XRCC5: variants seen among roughly 807,000 people sequenced by gnomAD.
The protein encoded by XRCC5 is X-ray repair cross complementing 5, also known as DNA repair protein Ku80.
Under a neutral mutation model 95.7 loss-of-function variants are expected in XRCC5, and 12 were observed. The ratio of observed to expected loss-of-function variants is 0.13; its 90% confidence interval spans 0.08 to 0.20. The LOEUF (loss-of-function observed/expected upper bound fraction) is 0.20, where lower values mean the gene tolerates loss of function less well. Ranked by LOEUF, XRCC5 falls within the 10% of genes least tolerant of loss-of-function variation. The pLI, the probability that XRCC5 is intolerant of heterozygous loss-of-function variation, is 1.00. For synonymous variants in XRCC5, 281 were observed against 290.3 expected, an observed-to-expected ratio of 0.97 and a Z score of 0.33; for missense variants, 595 against 873.9, an observed-to-expected ratio of 0.68 and a Z score of 4.02.
At chr2:216,187,106 C>T (rs1689507451) in intron 16 of XRCC5, among the ~76,000 whole-genome samples, 1 of 152,104 alleles carries the variant, frequency 6.6e-6, no homozygotes, top group South Asian at 2.1e-4. Context: ...AATCATGGAC[C>T]AGATTTACAA....
intron 16 of XRCC5, among the ~76,000 whole-genome samples, chr2:216,177,393 A>G (rs1689298372): frequency 1.3e-5 from 2 of 152,324 alleles, no homozygotes; most frequent in Admixed American, 6.5e-5. Flanking sequence ...GGTGACACTA[A>G]AGAAAACACT....
intron 16 of XRCC5, among the ~76,000 whole-genome samples, chr2:216,165,280 C>G (rs923363503): frequency 1.3e-5 from 2 of 151,996 alleles, no homozygotes; most frequent in Non-Finnish European, 2.9e-5. Flanking sequence ...ATAGATTGTT[C>G]TTTTATATTG....
intron 8 of XRCC5, among the ~76,000 whole-genome samples, chr2:216,129,375 T>A (rs545000845): frequency 2.0e-5 from 3 of 152,294 alleles, no homozygotes; most frequent in African/African-American, 7.2e-5. Context: ...TATACACATG[T>A]GGGCAAAGGA....
rs563335536 is a variant in XRCC5 at position 216,149,361 on chromosome 2, C to A, written c.1670+1085C>A. Reference sequence around the variant, plus strand: ...GCCCGCCCCCCATAAGACCATCTCTCAAGGAAATTGATAGATTGTTTCTTG... The same window carrying A: ...GCCCGCCCCCCATAAGACCATCTCTAAAGGAAATTGATAGATTGTTTCTTG... On this transcript the variant is annotated intron_variant, in intron 14 of 20. Transcript: ENST00000392132. Among the ~76,000 whole-genome samples the A allele has an allele frequency of 1.0e-3, 158 of 152,258 alleles. 1 individual carries two copies. Among genetic ancestry groups the A allele is most frequent in the African/African-American group, 3.6e-3 (150 of 41,554 alleles).
chr2:216,192,529 T>G, intron 17 of XRCC5, 110 bp from the exon 18 acceptor site: 6 of 595,880 alleles, frequency 1.0e-5, no homozygotes, highest in Non-Finnish European at 1.6e-5. Flanking sequence ...ACATTTTATT[T>G]TTTTGTAATA....
chr2:216,196,551 G>T (rs6435937), intron 19 of XRCC5, among the ~76,000 whole-genome samples: 89,101 of 151,118 alleles, frequency 0.59, 26,461 homozygotes, highest in South Asian at 0.69. Context: ...CATATATATA[G>T]AGAGAGAGAT....
At chr2:216,187,815 ACACACACTCTCT>A (rs772720413) in intron 16 of XRCC5, among the ~76,000 whole-genome samples, 4,590 of 88,872 alleles carry the variant, frequency 0.052, 90 homozygotes, top group Middle Eastern at 0.084. Flanking sequence ...ACACACACAC[ACACACACTCTCT>A]CTCTCTCTCT....
At chr2:216,136,686 C>T (rs1238183130) in intron 10 of XRCC5, among the ~76,000 whole-genome samples, 1 of 152,008 alleles carries the variant, frequency 6.6e-6, no homozygotes, top group Non-Finnish European at 1.5e-5. Flanking sequence ...CTGGACTAGA[C>T]TGAAGAATAA....
At chr2:216,136,356 CAAA>C (rs767749732) in intron 10 of XRCC5, among the ~76,000 whole-genome samples, 1 of 34,140 alleles carries the variant, frequency 2.9e-5, no homozygotes, top group Admixed American at 3.1e-4. Flanking sequence ...AACTGTGTCT[CAAA>C]AAAAAAAAAA....
intron 16 of XRCC5, among the ~76,000 whole-genome samples, chr2:216,170,405 C>T (rs888275462): frequency 6.6e-6 from 1 of 152,102 alleles, no homozygotes; most frequent in Non-Finnish European, 1.5e-5. Context: ...AAGGCTTTCT[C>T]AGCATCATAA....
At chr2:216,166,950 T>C (rs1004075156) in intron 16 of XRCC5, among the ~76,000 whole-genome samples, 4 of 152,168 alleles carry the variant, frequency 2.6e-5, no homozygotes, top group Non-Finnish European at 5.9e-5. Flanking sequence ...AACTTTATAA[T>C]GAGACGATTC....
At chr2:216,166,132 C>G (rs977000341) in intron 16 of XRCC5, among the ~76,000 whole-genome samples, 1 of 151,896 alleles carries the variant, frequency 6.6e-6, no homozygotes, top group African/African-American at 2.4e-5. Context: ...TTCTCTTTTC[C>G]TTTTTTGTGA....
intron 7 of XRCC5, among the ~76,000 whole-genome samples, chr2:216,126,968 C>G (rs1696909401): frequency 6.6e-6 from 1 of 151,316 alleles, no homozygotes; most frequent in Non-Finnish European, 1.5e-5. Flanking sequence ...ATTAAACAGT[C>G]TGGCTGGGTG....
rs755152526 is a variant in XRCC5, at chr2:216,113,118, G to A, written c.124G>A (p.Val42Ile). 6.2e-7 allele frequency: 1 copy of A among 1,613,618 alleles called. No homozygotes were observed. The highest frequency in any genetic ancestry group is 8.5e-7 in the Non-Finnish European group (1 of 1,179,632). ...EQAKKVITMFVQRQVFAENKD... is the reference protein window; with the variant it reads ...EQAKKVITMFIQRQVFAENKD... Reference sequence around the variant, plus strand: ...AGCAAAGAAGGTGATAACCATGTTTGTACAGCGACAGGTAAGTTTCAGATT... The same window carrying A: ...AGCAAAGAAGGTGATAACCATGTTTATACAGCGACAGGTAAGTTTCAGATT... Residue 42 changes from valine (V) to isoleucine (I), a missense_variant, in exon 2 of 21, where the codon GTA (valine) becomes ATA (isoleucine). By Grantham distance (29) the Val-to-Ile change is conservative. Transcript: ENST00000392132.
At chr2:216,166,308 G>C (rs1406810652) in intron 16 of XRCC5, among the ~76,000 whole-genome samples, 1 of 152,056 alleles carries the variant, frequency 6.6e-6, no homozygotes, top group African/African-American at 2.4e-5. Context: ...TTTTTGTAGA[G>C]ATGAGGTTTC....
chr2:216,123,396 G>A lies in XRCC5; in HGVS notation c.683+1143G>A, dbSNP rs1201802306. ...TCAGTGAGGAATCCTGTGAGGTGAA[G>A]TTTCTTGGCGTAATGTGTTCTTGTC... On this transcript the variant is annotated intron_variant, in intron 6 of 20. Transcript: ENST00000392132. 2.0e-5 allele frequency among the ~76,000 whole-genome samples: 3 copies of A among 152,198 alleles called. No individual in the cohort carries two copies. In the East Asian group the frequency reaches 5.8e-4, roughly 29 times the overall value.
At chr2:216,137,246 G>A (rs762114865) in intron 11 of XRCC5, 21 bp downstream of exon 11, 12 of 1,601,376 alleles carry the variant, frequency 7.5e-6, no homozygotes, top group Admixed American at 1.7e-5. Flanking sequence ...AAGTCTTAAT[G>A]TTATTTTTTT....
At chr2:216,177,317 C>T (rs1011341682) in intron 16 of XRCC5, among the ~76,000 whole-genome samples, 2 of 152,090 alleles carry the variant, frequency 1.3e-5, no homozygotes, top group South Asian at 4.1e-4. Flanking sequence ...CTAGTGAGAC[C>T]TTTATGATTT....
intron 16 of XRCC5, among the ~76,000 whole-genome samples, chr2:216,163,176 C>A (rs1234810084): frequency 6.6e-6 from 1 of 151,988 alleles, no homozygotes; most frequent in Admixed American, 6.6e-5. Flanking sequence ...GCTGTGTCAC[C>A]CAGGCTGGAG....
Sources: gnomAD v4.1 joint callset for allele counts (sites outside exome capture counted in the v4.1 genomes callset) on GRCh38, gnomAD v4.1.1 for gene constraint, MANE v1.5 for transcripts, NCBI Gene and HGNC (gene_info 2026-07-23, HGNC 2026-07-21) for gene names.